Variants in RGS6 observed in about 807,000 individuals in gnomAD.
The protein encoded by RGS6 is regulator of G protein signaling 6.
RGS6 carries 30 observed loss-of-function variants against 78.5 expected under a neutral mutation model. The ratio of observed to expected loss-of-function variants is 0.38; its 90% CI spans 0.29 to 0.52. The LOEUF is 0.52. RGS6 is among the 20% of genes least tolerant of loss of function. RGS6 has a pLI of 0.85. For synonymous variants in RGS6, 206 were observed against 206.0 expected (o/e 1.00, Z 0.00); for missense variants, 495 against 609.7 (o/e 0.81, Z 1.98).
chr14:72,485,555 C>T (rs542684012), intron 12 of RGS6, among the ~76,000 whole-genome samples: 49 of 152,340 alleles, frequency 3.2e-4, no homozygotes, highest in African/African-American at 1.2e-3. Context: ...CTGAAAGAGA[C>T]AACCTCTCTG....
chr14:71,986,673 C>T (rs4569194), intron 2 of RGS6, among the ~76,000 whole-genome samples: 68,258 of 151,932 alleles, frequency 0.45, 15,718 homozygotes, highest in East Asian at 0.54. Context: ...ATCGTGCCAC[C>T]GCATTGCAAC....
At chr14:71,967,195 A>G (rs993361999) in intron 2 of RGS6, among the ~76,000 whole-genome samples, 2 of 150,962 alleles carry the variant, frequency 1.3e-5, no homozygotes, top group Non-Finnish European at 2.9e-5. Context: ...AAGAGTATAT[A>G]TATATATATA....
chr14:72,549,471 G>A lies in RGS6; in HGVS notation c.1422+9377G>A, dbSNP rs546095323. Among the ~76,000 whole-genome samples, 32 of 152,274 alleles carry A rather than the reference G, an allele frequency of 2.1e-4. No individual in the cohort carries two copies. In the East Asian group the frequency reaches 5.0e-3, roughly 24 times the overall value. ...ACTCATCCTGTCATAGTTCCCATCC[G>A]GAAAGGGTGTTTTGTTGAAAGCAAA... On this transcript the variant is annotated intron_variant, in intron 17 of 17. Coordinates refer to ENST00000553525, the MANE Select transcript of RGS6 (RefSeq NM_001204424.2).
rs553849067 is a variant in RGS6, at chr14:72,265,583, T to G, written c.85-86512T>G. On this transcript the variant is annotated intron_variant, in intron 2 of 17. Coordinates refer to ENST00000553525, the MANE Select transcript of RGS6 (RefSeq NM_001204424.2). The stretch of plus-strand genomic sequence containing the variant: ...TTGCAACCACCCCCTTCCCATTAAC[T>G]CTACCATCACCACCTGCCGCTAACT... Among the ~76,000 whole-genome samples, 145 of 152,212 alleles carry G rather than the reference T, an allele frequency of 9.5e-4. 2 individuals carry two copies. The highest frequency in any genetic ancestry group is 6.8e-3 in the Middle Eastern group (2 of 294).
chr14:72,099,864 T>A (rs17179602), intron 2 of RGS6, among the ~76,000 whole-genome samples: 2,908 of 152,324 alleles, frequency 0.019, 37 homozygotes, highest in Middle Eastern at 0.037. Flanking sequence ...GTAAGCACTT[T>A]CAAACTGTAT....
At chr14:72,086,475 T>C (rs2095044258) in intron 2 of RGS6, among the ~76,000 whole-genome samples, 1 of 152,222 alleles carries the variant, frequency 6.6e-6, no homozygotes, top group South Asian at 2.1e-4. Context: ...ATAATCGCAG[T>C]GATATTTTGC....
At chr14:72,518,658 A>C in intron 15 of RGS6, 121 bp downstream of exon 15, 2 of 936,244 alleles carry the variant, frequency 2.1e-6, no homozygotes, top group Non-Finnish European at 3.2e-6. Flanking sequence ...GTTATTTTTA[A>C]GTTCATCAGT....
At chr14:72,604,795 C>T in the RGS6 span, among the ~76,000 whole-genome samples, 13,660 of 152,156 alleles carry the variant, frequency 0.09, 773 homozygotes, top group East Asian at 0.17. Flanking sequence ...TAGTCCCTGG[C>T]GGGGATGGCA....
intron 2 of RGS6, among the ~76,000 whole-genome samples, chr14:72,241,168 A>AAC (rs1555569895): frequency 6.6e-6 from 1 of 151,782 alleles, no homozygotes; most frequent in Non-Finnish European, 1.5e-5. Flanking sequence ...AAAAAAAAAA[A>AAC]AAACAAAACT....
the RGS6 span, among the ~76,000 whole-genome samples, chr14:72,606,096 GA>G: frequency 1.3e-5 from 2 of 151,718 alleles, no homozygotes; most frequent in Non-Finnish European, 2.9e-5. Context: ...AGTCTGCTTG[GA>G]AAACCACTAT....
intron 2 of RGS6, among the ~76,000 whole-genome samples, chr14:72,102,108 G>C (rs1272242491): frequency 1.3e-5 from 2 of 152,160 alleles, no homozygotes; most frequent in African/African-American, 4.8e-5. Context: ...TCCAGCCGAG[G>C]AACAGCAAGT....
chr14:71,981,973 G>A (rs1276315574), intron 2 of RGS6, among the ~76,000 whole-genome samples: 2 of 151,164 alleles, frequency 1.3e-5, no homozygotes, highest in Non-Finnish European at 3.0e-5. Context: ...GCCAGGTGTG[G>A]GATATAATCT....
chr14:72,242,970 TC>T (rs1311126257), intron 2 of RGS6, among the ~76,000 whole-genome samples: 1 of 150,562 alleles, frequency 6.6e-6, no homozygotes, highest in African/African-American at 2.4e-5. Flanking sequence ...TGCCTCAGCT[TC>T]CTAAGTAGCT....
chr14:72,278,488 C>T (rs1490994012), intron 2 of RGS6, among the ~76,000 whole-genome samples: 4 of 152,154 alleles, frequency 2.6e-5, no homozygotes, highest in Admixed American at 1.3e-4. Context: ...TTAGGAGACA[C>T]ATGGCAGTTA....
At chr14:72,307,296 C>T (rs1432051840) in intron 2 of RGS6, among the ~76,000 whole-genome samples, 1 of 146,390 alleles carries the variant, frequency 6.8e-6, no homozygotes. Context: ...ATTCATGTGA[C>T]TTGCTTTATT....
chr14:72,482,066 T>A (rs1397771724), intron 12 of RGS6, among the ~76,000 whole-genome samples: 1 of 152,192 alleles, frequency 6.6e-6, no homozygotes, highest in Non-Finnish European at 1.5e-5. Flanking sequence ...CGCCTCGGCC[T>A]CCCAAAGTGC....
chr14:72,165,247 G>A (rs778909885), intron 2 of RGS6, among the ~76,000 whole-genome samples: 1 of 152,210 alleles, frequency 6.6e-6, no homozygotes, highest in Non-Finnish European at 1.5e-5. Flanking sequence ...CCCATGCAGC[G>A]TCTTTACACC....
chr14:72,053,292 G>A lies in RGS6; in HGVS notation c.84+88417G>A, dbSNP rs562100808. ...CCACCACCACGCCTGGCTAATTTTC[G>A]TATTTTTAGTAGAGACGGAGTTTCA... On this transcript the variant is annotated intron_variant, in intron 2 of 17. Transcript: ENST00000553525. Among the ~76,000 whole-genome samples the A allele has an allele frequency of 2.8e-4, 43 of 151,088 alleles. No homozygotes were observed. In the South Asian group the frequency reaches 5.0e-3, roughly 18 times the overall value.
the RGS6 span, among the ~76,000 whole-genome samples, chr14:72,573,719 C>T: frequency 1.3e-5 from 2 of 152,310 alleles, no homozygotes; most frequent in South Asian, 4.1e-4. Flanking sequence ...TAAGCCAGCT[C>T]CAACCCCTTC....
Sources: allele counts gnomAD v4.1 joint callset (sites outside exome capture counted in the v4.1 genomes callset), GRCh38; gene constraint gnomAD v4.1.1; transcripts MANE v1.5; gene names NCBI Gene and HGNC (gene_info 2026-07-23, HGNC 2026-07-21).